The following PACSIN1 variants were observed in gnomAD, a reference collection of about 807,000 sequenced individuals.
The protein encoded by PACSIN1 is protein kinase C and casein kinase substrate in neurons protein 1.
A neutral mutation model predicts 59.5 loss-of-function variants in PACSIN1; 15 were observed. That is an observed-to-expected ratio of 0.25 (90% CI 0.17 to 0.39). The LOEUF (loss-of-function observed/expected upper bound fraction) is 0.39, where lower values mean the gene tolerates loss of function less well. Ranked by LOEUF, PACSIN1 falls within the 10% of genes least tolerant of loss-of-function variation. The probability of loss-of-function intolerance (pLI) is 1.00; values close to 1 mark genes in which losing one functional copy is unlikely to be tolerated. For synonymous variants in PACSIN1, 210 were observed against 220.6 expected, an observed-to-expected ratio of 0.95 and a Z score of 0.42; for missense variants, 420 against 580.2, an observed-to-expected ratio of 0.72 and a Z score of 2.84.
At chr6:34,492,477 A>G (rs993063690) in intron 1 of PACSIN1, among the ~76,000 whole-genome samples, 9 of 151,606 alleles carry the variant, frequency 5.9e-5, no homozygotes, top group African/African-American at 2.2e-4. Flanking sequence ...TCTGCCTCCT[A>G]GGTTCAAGCG....
intron 1 of PACSIN1, among the ~76,000 whole-genome samples, chr6:34,480,850 G>C (rs988043170): frequency 1.3e-5 from 2 of 151,986 alleles, no homozygotes; most frequent in Non-Finnish European, 2.9e-5. Flanking sequence ...GCACAAAGCA[G>C]TGTGTGCAGA....
chr6:34,487,825 C>G (rs1265347518), intron 1 of PACSIN1, among the ~76,000 whole-genome samples: 3 of 152,328 alleles, frequency 2.0e-5, no homozygotes, highest in South Asian at 4.1e-4. Flanking sequence ...GCAGGCAACA[C>G]TCCCAACAGC....
Position 34,532,488 on chromosome 6 carries a change from G to A in PACSIN1, c.1293G>A (p.Gly431=). Residue 431 remains glycine, a synonymous_variant, in exon 10 of 10, where the codon GGG becomes GGA. Coordinates refer to ENST00000244458, the MANE Select transcript of PACSIN1 (RefSeq NM_020804.5). This position sits in a 1 kb window ranked among gnomAD's most constrained non-coding sequence, Gnocchi z 5.2. Reference sequence around the variant, plus strand: ...GGTGCCGTGGGCGGCTGGACAGCGGGCAGCTGGGCCTCTACCCTGCCAACT... The same window carrying A: ...GGTGCCGTGGGCGGCTGGACAGCGGACAGCTGGGCCTCTACCCTGCCAACT... The part of the protein sequence containing the change: ...QGWCRGRLDS[G]QLGLYPANYV... 6.4e-7 allele frequency: 1 copy of A among 1,568,744 alleles called. No individual in the cohort carries two copies. Among genetic ancestry groups the A allele is most frequent in the Non-Finnish European group, 8.6e-7 (1 of 1,156,378 alleles).
At position 34,531,031 on chromosome 6, in the gene PACSIN1, A is replaced by C. The variant is rs1767585068; in HGVS notation, c.1037+444A>C. Among the ~76,000 whole-genome samples, 1 of 152,120 alleles carries C rather than the reference A, an allele frequency of 6.6e-6. No individual in the cohort carries two copies. Among genetic ancestry groups the C allele is most frequent in the Non-Finnish European group, 1.5e-5 (1 of 68,014 alleles). The stretch of plus-strand genomic sequence containing the variant: ...CTGCCTGGTTCCTAACAGGCCACGG[A>C]CTGTCTGCAGCCCCAGGGTTGGGGA... On this transcript the variant is annotated intron_variant, in intron 8 of 9. Transcript: ENST00000244458. This position sits in a 1 kb window ranked among gnomAD's most constrained non-coding sequence, Gnocchi z 4.4.
Position 34,533,407 on chromosome 6 carries a change from C to T in PACSIN1, c.*877C>T, listed in dbSNP as rs1359911680. On this transcript the variant is annotated 3_prime_UTR_variant, in exon 10 of 10. Transcript: ENST00000244458. Reference sequence around the variant, plus strand: ...GTCCCCTGGCCTAGGGTGGGGACCCCCAAACCTACGGCAAAGCCAGCAACA... The same window carrying T: ...GTCCCCTGGCCTAGGGTGGGGACCCTCAAACCTACGGCAAAGCCAGCAACA... 2.0e-5 allele frequency: 3 copies of T among 152,318 alleles called. No homozygotes were observed. The highest frequency in any genetic ancestry group is 2.0e-4 in the Admixed American group (3 of 15,290). The allele number at this position is 152,318 out of a possible 1,614,324, so 9.4% of individuals were successfully genotyped here.
At chr6:34,471,634 G>A (rs759209646) in intron 1 of PACSIN1, among the ~76,000 whole-genome samples, 3 of 152,202 alleles carry the variant, frequency 2.0e-5, no homozygotes, top group African/African-American at 4.8e-5. Flanking sequence ...CTCATTTGGC[G>A]GAGGGCGTGG....
At chr6:34,467,442 A>T (rs929192540) in intron 1 of PACSIN1, among the ~76,000 whole-genome samples, 3 of 152,074 alleles carry the variant, frequency 2.0e-5, no homozygotes, top group Non-Finnish European at 2.9e-5. Flanking sequence ...TCTGGGAAAT[A>T]GCTGGCAACC....
Position 34,521,684 on chromosome 6 carries a change from C to T in PACSIN1, c.-63-4559C>T, listed in dbSNP as rs193172224. Among the ~76,000 whole-genome samples the T allele has an allele frequency of 5.9e-5, 9 of 152,130 alleles. No homozygotes were observed. The highest frequency in any genetic ancestry group is 1.2e-4 in the Non-Finnish European group (8 of 68,010). ...GCTCCACAGAGAGAGAGGGCCACCC[C>T]TGAGATGGAGCTGTTGCTCCACTAC... On this transcript the variant is annotated intron_variant, in intron 1 of 9. Coordinates refer to ENST00000244458, the MANE Select transcript of PACSIN1 (RefSeq NM_020804.5). This position sits in a 1 kb window ranked among gnomAD's most constrained non-coding sequence, Gnocchi z 4.3.
chr6:34,525,731 C>T lies in PACSIN1; in HGVS notation c.-63-512C>T, dbSNP rs146273091. Among the ~76,000 whole-genome samples, 1 of 151,958 alleles carries T rather than the reference C, an allele frequency of 6.6e-6. No homozygotes were observed. The highest frequency in any genetic ancestry group is 2.4e-5 in the African/African-American group (1 of 41,360). ...TAGATTGGATAACCCTGATGCCTGCCGACAGATCCAGGGCAGACACAGCCA... is the reference window on the plus strand; with the variant it reads ...TAGATTGGATAACCCTGATGCCTGCTGACAGATCCAGGGCAGACACAGCCA... On this transcript the variant is annotated intron_variant, in intron 1 of 9. Transcript: ENST00000244458. This position sits in a 1 kb window ranked among gnomAD's most constrained non-coding sequence, Gnocchi z 4.9.
In PACSIN1 at chr6:34,525,715, T is replaced by C. The variant is rs1767469854; in HGVS notation, c.-63-528T>C. ...GGGGCAGCGCACGGCCTAGATTGGATAACCCTGATGCCTGCCGACAGATCC... is the reference window on the plus strand; with the variant it reads ...GGGGCAGCGCACGGCCTAGATTGGACAACCCTGATGCCTGCCGACAGATCC... On this transcript the variant is annotated intron_variant, in intron 1 of 9. Coordinates refer to ENST00000244458, the MANE Select transcript of PACSIN1 (RefSeq NM_020804.5). The surrounding 1 kb of genome is among the most constrained non-coding windows in gnomAD (Gnocchi z 4.9). 6.6e-6 allele frequency among the ~76,000 whole-genome samples: 1 copy of C among 151,830 alleles called. No individual in the cohort carries two copies. The highest frequency in any genetic ancestry group is 2.1e-4 in the South Asian group (1 of 4,830).
intron 1 of PACSIN1, among the ~76,000 whole-genome samples, chr6:34,500,938 C>T (rs1294797447): frequency 6.6e-6 from 1 of 152,212 alleles, no homozygotes; most frequent in Non-Finnish European, 1.5e-5. Context: ...TAGCTTCAAC[C>T]TTTTCTTCTG....
rs1767474965 is a variant in PACSIN1, at chr6:34,526,000, C to T, written c.-63-243C>T. Among the ~76,000 whole-genome samples, 1 of 151,840 alleles carries T rather than the reference C, an allele frequency of 6.6e-6. No homozygotes were observed. The highest frequency in any genetic ancestry group is 6.6e-5 in the Admixed American group (1 of 15,252). On this transcript the variant is annotated intron_variant, in intron 1 of 9. Coordinates refer to ENST00000244458, the MANE Select transcript of PACSIN1 (RefSeq NM_020804.5). The surrounding 1 kb of genome is among the most constrained non-coding windows in gnomAD (Gnocchi z 4.9). Reference sequence around the variant, plus strand: ...GGGCTGGCTTCTGAACGGAGGTGCTCATACTGGATAGAGGATGGATTCCAG... The same window carrying T: ...GGGCTGGCTTCTGAACGGAGGTGCTTATACTGGATAGAGGATGGATTCCAG...
intron 1 of PACSIN1, among the ~76,000 whole-genome samples, chr6:34,467,850 G>T (rs1326336660): frequency 1.3e-5 from 2 of 152,088 alleles, no homozygotes; most frequent in Non-Finnish European, 2.9e-5. Flanking sequence ...GAGCCATCAT[G>T]CCCGGCTAGG....
In PACSIN1 at chr6:34,532,645, A is replaced by T. The variant is rs1767622673; in HGVS notation, c.*115A>T. The T allele has an allele frequency of 1.5e-6, 1 of 665,864 alleles. No homozygotes were observed. Among genetic ancestry groups the T allele is most frequent in the African/African-American group, 1.8e-5 (1 of 54,296 alleles). 41.2% of individuals were successfully genotyped at this position (665,864 alleles called of 1,614,324 possible). The stretch of plus-strand genomic sequence containing the variant: ...AGACATATTTTCCGATCAAGCTTTT[A>T]TTTTTTTAAAAGTCAAAACAGAACA... On this transcript the variant is annotated 3_prime_UTR_variant, in exon 10 of 10. Coordinates refer to ENST00000244458, the MANE Select transcript of PACSIN1 (RefSeq NM_020804.5). The surrounding 1 kb of genome is among the most constrained non-coding windows in gnomAD (Gnocchi z 5.2).
chr6:34,524,338 C>T (rs1192348101), intron 1 of PACSIN1, among the ~76,000 whole-genome samples: 3 of 152,252 alleles, frequency 2.0e-5, no homozygotes, highest in East Asian at 1.9e-4. Flanking sequence ...AATGTACACA[C>T]GAGGCACATT....
chr6:34,524,046 C>T (rs531335880), intron 1 of PACSIN1, among the ~76,000 whole-genome samples: 1 of 152,328 alleles, frequency 6.6e-6, no homozygotes, highest in African/African-American at 2.4e-5. Flanking sequence ...GGTAGCAGAG[C>T]AGGGACCCTG....
At position 34,474,790 on chromosome 6, in the gene PACSIN1, G is replaced by GAAAA. The variant is rs60232588; in HGVS notation, c.-64+8538_-64+8541dup. On this transcript the variant is annotated intron_variant, in intron 1 of 9. Transcript: ENST00000244458. ...GGTGACAGAGCAAGACTCTGTCTCA[G>GAAAA]AAAAAAAAAAAAAAAAAAAAAGCCC... Among the ~76,000 whole-genome samples the GAAAA allele has an allele frequency of 6.6e-4, 52 of 78,248 alleles. 1 individual carries two copies. The highest frequency in any genetic ancestry group is 8.6e-4 in the East Asian group (2 of 2,322). 51.3% of individuals were successfully genotyped at this position (78,248 alleles called of 152,430 possible).
chr6:34,506,154 C>T (rs1767111361), intron 1 of PACSIN1, among the ~76,000 whole-genome samples: 1 of 152,176 alleles, frequency 6.6e-6, no homozygotes, highest in South Asian at 2.1e-4. Flanking sequence ...GTGTTGTTGG[C>T]ATCTGTTGGT....
At position 34,532,542 on chromosome 6, in the gene PACSIN1, C is replaced by T. The variant is rs752051593; in HGVS notation, c.*12C>T. The T allele has an allele frequency of 1.6e-5, 24 of 1,467,388 alleles. No individual in the cohort carries two copies. Among genetic ancestry groups the T allele is most frequent in the Non-Finnish European group, 2.0e-5 (21 of 1,076,602 alleles). 90.9% of individuals were successfully genotyped at this position (1,467,388 alleles called of 1,614,324 possible). A position where few individuals can be genotyped will look rare whatever the true frequency, so the allele number is the denominator to read the frequency against. On this transcript the variant is annotated 3_prime_UTR_variant, in exon 10 of 10. Transcript: ENST00000244458. This position sits in a 1 kb window ranked among gnomAD's most constrained non-coding sequence, Gnocchi z 5.2. ...TGGAGGCTATCTAGAGGCCCCCTCC[C>T]TCCATACTCCCGTCACTCCTCCCCA...
Sources: gnomAD v4.1 joint callset for allele counts (sites outside exome capture counted in the v4.1 genomes callset) on GRCh38, gnomAD v4.1.1 for gene constraint, Gnocchi (gnomAD v3.1) non-coding constraint, MANE v1.5 for transcripts, NCBI Gene and HGNC (gene_info 2026-07-23, HGNC 2026-07-21) for gene names.